MAPKAPK5: variants seen among roughly 807,000 people sequenced by gnomAD.
MAPKAPK5 encodes the protein MAPK activated protein kinase 5.
In MAPKAPK5, 30 loss-of-function variants were observed where a neutral mutation model predicts 65.1. The ratio of observed to expected loss-of-function variants is 0.46; its 90% CI spans 0.34 to 0.63. MAPKAPK5 has a LOEUF of 0.63. Among genes scored for constraint, MAPKAPK5 ranks in the 20% least tolerant of loss-of-function variants. The pLI is 0.01. For synonymous variants in MAPKAPK5, 179 were observed against 204.6 expected, an observed-to-expected ratio of 0.87 and a Z score of 1.07; for missense variants, 433 against 581.4, an observed-to-expected ratio of 0.74 and a Z score of 2.63.
intron 7 of MAPKAPK5, among the ~76,000 whole-genome samples, chr12:111,879,095 T>A (rs924316181): frequency 1.6e-4 from 25 of 152,180 alleles, no homozygotes; most frequent in Admixed American, 4.6e-4. Flanking sequence ...AGAGCTATCA[T>A]TCAATGTGGA....
chr12:111,858,041 G>A (rs2069302999), intron 1 of MAPKAPK5, among the ~76,000 whole-genome samples: 1 of 151,992 alleles, frequency 6.6e-6, no homozygotes, highest in Admixed American at 6.6e-5. Context: ...TGGGACCACA[G>A]GCACAGGCAT....
Position 111,897,382 on chromosome 12 carries a change from G to GT in MAPKAPK5, c.*4322dup, listed in dbSNP as rs1304196932. On this transcript the variant is annotated 3_prime_UTR_variant, in exon 14 of 14. Coordinates refer to ENST00000550735, the MANE Select transcript of MAPKAPK5 (RefSeq NM_003668.4). ...TAAATAAGGTCTTGTGTGTGGGTAT[G>GT]TGTATGTGCATGTATTTATTGAAGA... is the stretch of plus-strand genomic sequence containing the variant. 1.3e-5 allele frequency: 2 copies of GT among 152,224 alleles called. No individual in the cohort carries two copies. The highest frequency in any genetic ancestry group is 4.8e-5 in the African/African-American group (2 of 41,472). The allele number at this position is 152,224 out of a possible 1,614,324, so 9.4% of individuals were successfully genotyped here.
intron 7 of MAPKAPK5, among the ~76,000 whole-genome samples, chr12:111,877,810 A>C (rs2070039878): frequency 6.6e-6 from 1 of 151,748 alleles, no homozygotes. Flanking sequence ...CCTCCTTAGG[A>C]GCTGGGACCA....
At chr12:111,844,689 T>G (rs1208844039) in intron 1 of MAPKAPK5, among the ~76,000 whole-genome samples, 1 of 152,244 alleles carries the variant, frequency 6.6e-6, no homozygotes, top group African/African-American at 2.4e-5. Flanking sequence ...GTGGGGTTAC[T>G]GCTAGGTGGT....
chr12:111,842,304 CGCGGCGGTGCAG>C lies in MAPKAPK5; in HGVS notation c.-422_-411del, dbSNP rs1239018601. The C allele has an allele frequency of 6.5e-6, 1 of 153,838 alleles. No individual in the cohort carries two copies. The highest frequency in any genetic ancestry group is 6.6e-5 in the Admixed American group (1 of 15,216). 9.5% of individuals were successfully genotyped at this position (153,838 alleles called of 1,614,324 possible). A position where few individuals can be genotyped will look rare whatever the true frequency, so the allele number is the denominator to read the frequency against. Reference sequence around the variant, plus strand: ...TCTGCTTCGGCTTCGGCTTCGGCTTCGCGGCGGTGCAGGCGGCGGAGGCGGAGGCGCAGGCTC... The same window carrying C: ...TCTGCTTCGGCTTCGGCTTCGGCTTCGCGGCGGAGGCGGAGGCGCAGGCTC... On this transcript the variant is annotated 5_prime_UTR_variant, in exon 1 of 14. Transcript: ENST00000550735.
chr12:111,881,422 TGAGAC>T (rs2070220447), intron 8 of MAPKAPK5, among the ~76,000 whole-genome samples: 1 of 126,474 alleles, frequency 7.9e-6, no homozygotes, highest in Admixed American at 8.0e-5. Flanking sequence ...TTTTTTTTTT[TGAGAC>T]AGAGTCTTAC....
At chr12:111,889,302 A>G (rs1225265124) in intron 12 of MAPKAPK5, 2 of 301,206 alleles carry the variant, frequency 6.6e-6, no homozygotes, top group Non-Finnish European at 1.3e-5. Context: ...TAGTTTGACA[A>G]CAAGGGCACA....
At chr12:111,848,412 A>ATTTT (rs57942830) in intron 1 of MAPKAPK5, among the ~76,000 whole-genome samples, 2 of 123,218 alleles carry the variant, frequency 1.6e-5, no homozygotes, top group African/African-American at 6.0e-5. Flanking sequence ...CTTTTGCCCC[A>ATTTT]TTTTTTTTTT....
intron 1 of MAPKAPK5, among the ~76,000 whole-genome samples, chr12:111,861,593 T>G (rs2069437783): frequency 6.6e-6 from 1 of 152,146 alleles, no homozygotes; most frequent in East Asian, 1.9e-4. Context: ...CCCAAAGTGC[T>G]GGGATTATGG....
At chr12:111,872,960 A>G (rs987012889) in intron 7 of MAPKAPK5, among the ~76,000 whole-genome samples, 15 of 152,082 alleles carry the variant, frequency 9.9e-5, no homozygotes, top group African/African-American at 3.4e-4. Context: ...TGCCTTCCAT[A>G]TATATATCAT....
intron 7 of MAPKAPK5, among the ~76,000 whole-genome samples, chr12:111,878,926 A>C (rs889972564): frequency 6.6e-6 from 1 of 152,158 alleles, no homozygotes; most frequent in Non-Finnish European, 1.5e-5. Flanking sequence ...TAGCTTTATA[A>C]TAATTCTTGA....
chr12:111,901,222 G>A lies in MAPKAPK5; in HGVS notation c.*8161G>A. The A allele has an allele frequency of 2.2e-6, 1 of 456,026 alleles. No homozygotes were observed. The allele number at this position is 456,026 out of a possible 1,614,324, so 28.2% of individuals were successfully genotyped here. Reference sequence around the variant, plus strand: ...AACAAAGTCTGCCTGAATTCCGCCTGCACAGATAAAACCCCAGTGATTTCT... The same window carrying A: ...AACAAAGTCTGCCTGAATTCCGCCTACACAGATAAAACCCCAGTGATTTCT... On this transcript the variant is annotated 3_prime_UTR_variant, in exon 14 of 14. Transcript: ENST00000550735.
At chr12:111,880,386 A>G in intron 7 of MAPKAPK5, 61 bp from the exon 8 acceptor site, 2 of 1,363,500 alleles carry the variant, frequency 1.5e-6, no homozygotes, top group South Asian at 1.2e-5. Context: ...GCCTGTCTCA[A>G]GGCAGGTTAT....
chr12:111,898,690 T>A lies in MAPKAPK5; in HGVS notation c.*5629T>A, dbSNP rs2070906555. On this transcript the variant is annotated 3_prime_UTR_variant, in exon 14 of 14. Transcript: ENST00000550735. ...AAAACTTGGACATCCACATACAGAT[T>A]TTCTTGAATTAAAGAAAAAAACCAG... 1 of 152,118 alleles carries A rather than the reference T, an allele frequency of 6.6e-6. No homozygotes were observed. Among genetic ancestry groups the A allele is most frequent in the Non-Finnish European group, 1.5e-5 (1 of 68,012 alleles). 9.4% of individuals were successfully genotyped at this position (152,118 alleles called of 1,614,324 possible).
At position 111,894,253 on chromosome 12, in the gene MAPKAPK5, G is replaced by T. The variant is rs2070722050; in HGVS notation, c.*1192G>T. ...AGACAGGGTTTCACCATGTTGGCCA[G>T]GCTGGTCTCGAACTCCTGACCATCC... On this transcript the variant is annotated 3_prime_UTR_variant, in exon 14 of 14. Transcript: ENST00000550735. The T allele has an allele frequency of 6.6e-6, 1 of 152,378 alleles. No individual in the cohort carries two copies. Among genetic ancestry groups the T allele is most frequent in the African/African-American group, 2.4e-5 (1 of 41,430 alleles). 9.4% of individuals were successfully genotyped at this position (152,378 alleles called of 1,614,324 possible).
In MAPKAPK5 at chr12:111,900,619, C is replaced by A; in HGVS notation, c.*7558C>A. On this transcript the variant is annotated 3_prime_UTR_variant, in exon 14 of 14. Coordinates refer to ENST00000550735, the MANE Select transcript of MAPKAPK5 (RefSeq NM_003668.4). ...GACACGGAGCAGTGTGACTGTGGTT[C>A]TCTATGTCAGCATCATGCATGCTGT... is the stretch of plus-strand genomic sequence containing the variant. The A allele has an allele frequency of 2.2e-6, 1 of 456,118 alleles. No individual in the cohort carries two copies. The highest frequency in any genetic ancestry group is 4.4e-6 in the Non-Finnish European group (1 of 226,800). The allele number at this position is 456,118 out of a possible 1,614,324, so 28.3% of individuals were successfully genotyped here. A position where few individuals can be genotyped will look rare whatever the true frequency, so the allele number is the denominator to read the frequency against.
chr12:111,887,426 G>T (rs2136150437), intron 10 of MAPKAPK5, among the ~76,000 whole-genome samples: 1 of 152,232 alleles, frequency 6.6e-6, no homozygotes, highest in Middle Eastern at 3.4e-3. Context: ...AATCCCAGCA[G>T]TTTTGAGAGG....
In MAPKAPK5 at chr12:111,900,195, C is replaced by T. The variant is rs1171038476; in HGVS notation, c.*7134C>T. ...TTTCAATCACTGGAGACAAGAGATG[C>T]TCTTCCATCGTGCAAAACACGATGT... is the stretch of plus-strand genomic sequence containing the variant. On this transcript the variant is annotated 3_prime_UTR_variant, in exon 14 of 14. Transcript: ENST00000550735. 1 of 455,876 alleles carries T rather than the reference C, an allele frequency of 2.2e-6. No individual in the cohort carries two copies. The highest frequency in any genetic ancestry group is 2.0e-5 in the African/African-American group (1 of 50,042). The allele number at this position is 455,876 out of a possible 1,614,324, so 28.2% of individuals were successfully genotyped here.
At chr12:111,889,041 A>AGT (rs756676689) in intron 12 of MAPKAPK5, 41 bp downstream of exon 12, 24 of 1,548,644 alleles carry the variant, frequency 1.5e-5, no homozygotes, top group Non-Finnish European at 2.0e-5. Context: ...TGTGTCTGTG[A>AGT]GTGTGTGTGT....
Sources: gnomAD v4.1 joint callset for allele counts (sites outside exome capture counted in the v4.1 genomes callset) on GRCh38, gnomAD v4.1.1 for gene constraint, MANE v1.5 for transcripts, NCBI Gene and HGNC (gene_info 2026-07-23, HGNC 2026-07-21) for gene names.